The following CLCN3 variants were observed in gnomAD, a reference collection of about 807,000 sequenced individuals.
The protein encoded by CLCN3 is H(+)/Cl(-) exchange transporter 3.
CLCN3 carries 16 observed loss-of-function variants against 83.4 expected under a neutral mutation model. The observed-to-expected ratio is 0.19, with a 90% CI of 0.13 to 0.29. CLCN3 has a LOEUF of 0.29. CLCN3 is among the 10% of genes least tolerant of loss of function. The probability of loss-of-function intolerance (pLI) is 1.00; values close to 1 mark genes in which losing one functional copy is unlikely to be tolerated. For synonymous variants in CLCN3, 322 were observed against 346.2 expected, an observed-to-expected ratio of 0.93 and a Z score of 0.78; for missense variants, 544 against 1,006.0, an observed-to-expected ratio of 0.54 and a Z score of 6.21.
At chr4:169,654,516 A>T (rs983975344) in intron 2 of CLCN3, among the ~76,000 whole-genome samples, 3 of 151,248 alleles carry the variant, frequency 2.0e-5, no homozygotes, top group Admixed American at 6.6e-5. Flanking sequence ...AAAGCTATAA[A>T]TTTTTTTTCA....
intron 2 of CLCN3, among the ~76,000 whole-genome samples, chr4:169,667,751 T>C (rs1731297441): frequency 7.1e-6 from 1 of 141,464 alleles, no homozygotes. Flanking sequence ...AGACTTTTTT[T>C]TCTTTTTTTT....
At chr4:169,659,310 C>A (rs1173803720) in intron 2 of CLCN3, among the ~76,000 whole-genome samples, 2 of 152,070 alleles carry the variant, frequency 1.3e-5, no homozygotes, top group Non-Finnish European at 2.9e-5. Context: ...CAGTTTTAAA[C>A]AAGAAAGTTG....
At chr4:169,708,738 TGA>T (rs1733084906) in intron 11 of CLCN3, among the ~76,000 whole-genome samples, 1 of 152,084 alleles carries the variant, frequency 6.6e-6, no homozygotes, top group South Asian at 2.1e-4. Flanking sequence ...GTTACTGTCT[TGA>T]GAGAGAGAAT....
At chr4:169,695,033 G>A (rs986734850) in intron 7 of CLCN3, among the ~76,000 whole-genome samples, 2 of 152,100 alleles carry the variant, frequency 1.3e-5, no homozygotes, top group Admixed American at 6.6e-5. Flanking sequence ...TTTTGTAGAG[G>A]TGTTGGTTGG....
At chr4:169,636,735 G>GTTGTTTTTTTTTT (rs1553965336) in intron 2 of CLCN3, among the ~76,000 whole-genome samples, 2 of 119,518 alleles carry the variant, frequency 1.7e-5, no homozygotes, top group Admixed American at 8.8e-5. Context: ...TCATTATTTG[G>GTTGTTTTTTTTTT]TTTTTTTTTT....
chr4:169,633,006 T>A (rs1440553232), intron 1 of CLCN3, among the ~76,000 whole-genome samples: 3 of 151,920 alleles, frequency 2.0e-5, no homozygotes, highest in Non-Finnish European at 2.9e-5. Flanking sequence ...ATAGTTTATC[T>A]CTGATTATTA....
chr4:169,631,331 G>T (rs1773363722), intron 1 of CLCN3, among the ~76,000 whole-genome samples: 1 of 152,106 alleles, frequency 6.6e-6, no homozygotes, highest in African/African-American at 2.4e-5. Context: ...TTGTCGCCCA[G>T]GCTGGAGTGC....
At chr4:169,710,203 G>A (rs898173690) in intron 11 of CLCN3, among the ~76,000 whole-genome samples, 6 of 152,150 alleles carry the variant, frequency 3.9e-5, no homozygotes, top group Non-Finnish European at 8.8e-5. Context: ...GATTTTTTGT[G>A]TGTGTGGGGA....
chr4:169,654,614 C>CT (rs1160549237), intron 2 of CLCN3, among the ~76,000 whole-genome samples: 1 of 151,872 alleles, frequency 6.6e-6, no homozygotes, highest in African/African-American at 2.4e-5. Flanking sequence ...CTACTTTGGG[C>CT]TATAGGTTAT....
intron 1 of CLCN3, 55 bp from the exon 2 acceptor site, chr4:169,635,858 G>A (rs1773487343): frequency 2.2e-6 from 3 of 1,389,188 alleles, no homozygotes; most frequent in East Asian, 5.0e-5. Flanking sequence ...TGTTAAACTA[G>A]ATGATTTTTA....
intron 1 of CLCN3, among the ~76,000 whole-genome samples, chr4:169,632,585 C>T (rs1273551293): frequency 6.6e-6 from 1 of 151,784 alleles, no homozygotes; most frequent in African/African-American, 2.4e-5. Context: ...GGCGCAGTGG[C>T]GGGCGCCTGT....
Position 169,703,965 on chromosome 4 carries a change from T to G in CLCN3, c.1564-33T>G, listed in dbSNP as rs780926302. On this transcript the variant is annotated intron_variant, in intron 9 of 12. Transcript: ENST00000513761. The stretch of plus-strand genomic sequence containing the variant: ...GTTTCAGGCATGTGAGTAGAGGATC[T>G]CTGCTCCATAAAGAGTTCTGTTGTT... 1.9e-6 allele frequency: 3 copies of G among 1,603,708 alleles called. No individual in the cohort carries two copies. The South Asian group carries it at 3.3e-5, about 18-fold the overall frequency.
intron 1 of CLCN3, among the ~76,000 whole-genome samples, chr4:169,625,042 C>T (rs1043925304): frequency 2.8e-4 from 42 of 152,294 alleles, no homozygotes; most frequent in Non-Finnish European, 4.0e-4. Context: ...CTGCCCACTT[C>T]GGCCTCCCAA....
At chr4:169,660,555 C>T (rs946013479) in intron 2 of CLCN3, 5 of 693,392 alleles carry the variant, frequency 7.2e-6, no homozygotes, top group Non-Finnish European at 1.0e-5. Flanking sequence ...TACTGCAGTA[C>T]GTTGTTTAGT....
chr4:169,692,385 GA>G, intron 7 of CLCN3, 65 bp downstream of exon 7: 1 of 687,302 alleles, frequency 1.5e-6, no homozygotes, highest in Non-Finnish European at 2.1e-6. Flanking sequence ...TTTAAGTAAA[GA>G]ATTTCTTAGT....
At chr4:169,633,170 G>C (rs1014113971) in intron 1 of CLCN3, among the ~76,000 whole-genome samples, 1 of 151,820 alleles carries the variant, frequency 6.6e-6, no homozygotes, top group African/African-American at 2.4e-5. Context: ...CTGCCACCAC[G>C]CCCGGCTAAT....
At chr4:169,686,065 T>C (rs1161457133) in intron 3 of CLCN3, among the ~76,000 whole-genome samples, 1 of 151,928 alleles carries the variant, frequency 6.6e-6, no homozygotes, top group Non-Finnish European at 1.5e-5. Context: ...CAGCAAACTG[T>C]CGCAAGGACA....
At chr4:169,713,988 C>T (rs1336543333) in intron 12 of CLCN3, among the ~76,000 whole-genome samples, 1 of 152,136 alleles carries the variant, frequency 6.6e-6, no homozygotes, top group Non-Finnish European at 1.5e-5. Flanking sequence ...AGGAAAGAAA[C>T]AGATGTCACG....
chr4:169,665,620 T>C (rs1731216140), intron 2 of CLCN3, among the ~76,000 whole-genome samples: 1 of 151,804 alleles, frequency 6.6e-6, no homozygotes, highest in South Asian at 2.1e-4. Flanking sequence ...AAAAACCATC[T>C]GGGGCTAGAC....
Sources: gnomAD v4.1 joint callset for allele counts (sites outside exome capture counted in the v4.1 genomes callset) on GRCh38, gnomAD v4.1.1 for gene constraint, MANE v1.5 for transcripts, NCBI Gene and HGNC (gene_info 2026-07-23, HGNC 2026-07-21) for gene names.